The following ZNF254 variants were observed in gnomAD, a reference collection of about 807,000 sequenced individuals.
ZNF254 encodes the protein zinc finger protein 254.
Under a neutral mutation model 12.4 loss-of-function variants are expected in ZNF254, and 10 were observed. That is an observed-to-expected ratio of 0.80 (90% confidence interval 0.50 to 1.36). The LOEUF is 1.36. Ranked by LOEUF, ZNF254 falls within the 40% of genes most tolerant of loss-of-function variation. ZNF254 has a pLI of 0.00. For missense variants in ZNF254, 996 were observed against 763.9 expected (o/e 1.30, Z -3.58); for synonymous variants, 305 against 253.4 (o/e 1.20, Z -1.93).
intron 3 of ZNF254, among the ~76,000 whole-genome samples, chr19:24,108,431 G>GC (rs1973467805): frequency 6.6e-6 from 1 of 152,196 alleles, no homozygotes; most frequent in African/African-American, 2.4e-5. Context: ...TCTGAAAAGG[G>GC]TTACCTTCAG....
At chr19:24,056,858 C>T (rs890995296) in intron 2 of ZNF254, among the ~76,000 whole-genome samples, 1 of 152,168 alleles carries the variant, frequency 6.6e-6, no homozygotes, top group African/African-American at 2.4e-5. Context: ...GGTTTTAATT[C>T]TTCTGCCTGG....
chr19:24,068,527 C>G (rs766822907), intron 2 of ZNF254, among the ~76,000 whole-genome samples: 6 of 152,166 alleles, frequency 3.9e-5, no homozygotes, highest in Non-Finnish European at 8.8e-5. Flanking sequence ...TTTCTAACTC[C>G]TGACCTCAGG....
At chr19:24,057,747 T>C (rs1008483580) in intron 2 of ZNF254, among the ~76,000 whole-genome samples, 1 of 152,256 alleles carries the variant, frequency 6.6e-6, no homozygotes, top group Non-Finnish European at 1.5e-5. Flanking sequence ...AACACACTGT[T>C]AGTCTGTGAT....
intron 3 of ZNF254, chr19:24,107,111 A>G: frequency 4.1e-6 from 2 of 485,878 alleles, no homozygotes; most frequent in Non-Finnish European, 7.2e-6. Flanking sequence ...TGTAGTCTTG[A>G]AATATAGTTT....
At chr19:24,055,069 G>T (rs1197545334) in intron 2 of ZNF254, among the ~76,000 whole-genome samples, 1 of 151,384 alleles carries the variant, frequency 6.6e-6, no homozygotes, top group African/African-American at 2.4e-5. Flanking sequence ...TGGGCATGGT[G>T]GTGGGCACCT....
chr19:24,057,228 C>A (rs1277163981), intron 2 of ZNF254, among the ~76,000 whole-genome samples: 1 of 152,208 alleles, frequency 6.6e-6, no homozygotes, highest in Non-Finnish European at 1.5e-5. Context: ...TTGTCACCCT[C>A]ATCCATGGAC....
chr19:24,082,089 C>T (rs965848134), intron 2 of ZNF254, among the ~76,000 whole-genome samples: 11 of 151,178 alleles, frequency 7.3e-5, no homozygotes, highest in African/African-American at 2.2e-4. Context: ...TGCCATTGCA[C>T]TCCAGCCTGG....
At position 24,127,041 on chromosome 19, in the gene ZNF254, G is replaced by A; in HGVS notation, c.1041G>A (p.Glu347=). The change falls in exon 4 of 4, where the codon GAG becomes GAA. Residue 347 remains glutamate, a synonymous_variant. Coordinates refer to ENST00000357002, the MANE Select transcript of ZNF254 (RefSeq NM_203282.4). ...GACATAAGAGGATGCACACTGGAGA[G>A]AAACCCTACAAATGTGAAGAATGTG... ...LTRHKRMHTG[E]KPYKCEECGK... is the part of the protein sequence containing the mutation. 1 of 1,613,768 alleles carries A rather than the reference G, an allele frequency of 6.2e-7. No homozygotes were observed. Among genetic ancestry groups the A allele is most frequent in the Non-Finnish European group, 8.5e-7 (1 of 1,179,830 alleles).
chr19:24,119,928 A>G (rs1974365541), intron 3 of ZNF254, among the ~76,000 whole-genome samples: 1 of 151,958 alleles, frequency 6.6e-6, no homozygotes, highest in Non-Finnish European at 1.5e-5. Flanking sequence ...TGCTTCAATT[A>G]TTTTTTAAAT....
intron 2 of ZNF254, among the ~76,000 whole-genome samples, chr19:24,067,476 C>T (rs958863555): frequency 6.6e-6 from 1 of 150,836 alleles, no homozygotes; most frequent in Non-Finnish European, 1.5e-5. Context: ...ATGTGACTCT[C>T]CTCTCATGCC....
intron 3 of ZNF254, among the ~76,000 whole-genome samples, chr19:24,114,016 T>G (rs1482273162): frequency 6.6e-6 from 1 of 151,510 alleles, no homozygotes; most frequent in Non-Finnish European, 1.5e-5. Context: ...CACTGCTCAA[T>G]GAAATAAAAG....
intron 2 of ZNF254, among the ~76,000 whole-genome samples, chr19:24,056,533 T>C (rs1022780543): frequency 3.7e-4 from 56 of 152,094 alleles, no homozygotes; most frequent in African/African-American, 1.4e-3. Context: ...TCAAAAGGCA[T>C]TGTGACATAT....
intron 2 of ZNF254, among the ~76,000 whole-genome samples, chr19:24,071,665 T>C (rs1182396002): frequency 1.3e-5 from 2 of 152,184 alleles, no homozygotes; most frequent in Non-Finnish European, 2.9e-5. Flanking sequence ...ATGCTTCTAA[T>C]GCCACTGCAC....
intron 3 of ZNF254, among the ~76,000 whole-genome samples, chr19:24,111,322 T>G (rs1159322047): frequency 2.0e-5 from 3 of 152,226 alleles, no homozygotes; most frequent in African/African-American, 7.2e-5. Flanking sequence ...ATGGTGTATA[T>G]GTGCCACATT....
intron 2 of ZNF254, chr19:24,079,605 G>T (rs1212815382): frequency 6.6e-6 from 1 of 152,242 alleles, no homozygotes; most frequent in Admixed American, 6.5e-5. Context: ...TCATAGGTGA[G>T]TTTGAGAAGT....
intron 3 of ZNF254, among the ~76,000 whole-genome samples, chr19:24,116,591 A>G (rs778879747): frequency 6.6e-6 from 1 of 150,706 alleles, no homozygotes; most frequent in Non-Finnish European, 1.5e-5. Flanking sequence ...CTAGGTATAC[A>G]TTTGTCTAAA....
chr19:24,059,565 T>C (rs1156665285), intron 2 of ZNF254, among the ~76,000 whole-genome samples: 4 of 152,132 alleles, frequency 2.6e-5, no homozygotes, highest in Non-Finnish European at 5.9e-5. Flanking sequence ...GAGTTTGATA[T>C]ATTGCTTAGC....
chr19:24,088,795 T>C (rs1972183429), intron 1 of ZNF254, among the ~76,000 whole-genome samples: 1 of 151,890 alleles, frequency 6.6e-6, no homozygotes. Context: ...TAGCTGGAAT[T>C]ATAGGCGCCC....
chr19:24,092,738 C>T (rs546914920), intron 1 of ZNF254, among the ~76,000 whole-genome samples: 2 of 152,294 alleles, frequency 1.3e-5, no homozygotes, highest in African/African-American at 4.8e-5. Flanking sequence ...GATTCCATGT[C>T]TTTGCTATTG....
Sources: allele counts gnomAD v4.1 joint callset (sites outside exome capture counted in the v4.1 genomes callset), GRCh38; gene constraint gnomAD v4.1.1; transcripts MANE v1.5; gene names NCBI Gene and HGNC (gene_info 2026-07-23, HGNC 2026-07-21).